The following SIPA1L3 variants were observed in gnomAD, a reference collection of about 807,000 sequenced individuals.
The protein encoded by SIPA1L3 is signal induced proliferation associated 1 like 3.
SIPA1L3 carries 59 observed loss-of-function variants against 150.1 expected under a neutral mutation model. That is an observed-to-expected ratio of 0.39 (90% confidence interval 0.32 to 0.49). The LOEUF (loss-of-function observed/expected upper bound fraction) is 0.49. Ranked by LOEUF, SIPA1L3 falls within the 20% of genes least tolerant of loss-of-function variation. The pLI is 0.86. For synonymous variants in SIPA1L3, 1,070 were observed against 1,077.6 expected (o/e 0.99, Z 0.14); for missense variants, 2,211 against 2,489.5 (o/e 0.89, Z 2.38).
chr19:37,989,180 C>T (rs1267801139), intron 1 of SIPA1L3, among the ~76,000 whole-genome samples: 9 of 152,180 alleles, frequency 5.9e-5, no homozygotes, highest in East Asian at 1.9e-4. Flanking sequence ...CATCCTCCCA[C>T]GGAACCTTCC....
rs117811179 is a variant in SIPA1L3, at chr19:37,930,882, A to G, written c.-379+23524A>G. Among the ~76,000 whole-genome samples, 1,036 of 141,612 alleles carry G rather than the reference A, an allele frequency of 7.3e-3. 31 individuals carry two copies. The East Asian group carries it at 0.076, about 10-fold the overall frequency. 92.9% of individuals were successfully genotyped at this position (141,612 alleles called of 152,430 possible). A position where few individuals can be genotyped will look rare whatever the true frequency, so the allele number is the denominator to read the frequency against. ...CCAAAGCAGCACTCATACAATATGTATCAGCTAATCTTTGAATATTCTGTG... is the reference window on the plus strand; with the variant it reads ...CCAAAGCAGCACTCATACAATATGTGTCAGCTAATCTTTGAATATTCTGTG... On this transcript the variant is annotated intron_variant, in intron 1 of 21. Transcript: ENST00000222345.
intron 1 of SIPA1L3, among the ~76,000 whole-genome samples, chr19:37,937,683 A>G (rs1248820634): frequency 7.0e-6 from 1 of 143,452 alleles, no homozygotes; most frequent in African/African-American, 2.6e-5. Context: ...TTGAGGCTGC[A>G]GTGAGCCTGG....
chr19:38,082,721 G>C lies in SIPA1L3; in HGVS notation c.1156G>C (p.Ala386Pro). Residue 386 changes from alanine to proline, a missense_variant, in exon 3 of 22, where the codon GCC (alanine) becomes CCC (proline). Transcript: ENST00000222345. ...CGCCTCGGCCATGGCCTCCCTCACG[G>C]CCTCGCGGGCCCACAGCCTCGGAGG... is the stretch of plus-strand genomic sequence containing the variant. ...SAASAMASLT[A>P]SRAHSLGGLD... 1 of 1,611,828 alleles carries C rather than the reference G, an allele frequency of 6.2e-7. No homozygotes were observed. Among genetic ancestry groups the C allele is most frequent in the South Asian group, 1.1e-5 (1 of 91,068 alleles).
intron 15 of SIPA1L3, among the ~76,000 whole-genome samples, chr19:38,166,651 G>A (rs1972218061): frequency 6.6e-6 from 1 of 152,018 alleles, no homozygotes; most frequent in Non-Finnish European, 1.5e-5. Context: ...TGTGACCCCA[G>A]CAGGGCTTGC....
intron 2 of SIPA1L3, among the ~76,000 whole-genome samples, chr19:38,069,738 T>C (rs961280416): frequency 3.3e-5 from 5 of 151,502 alleles, no homozygotes; most frequent in East Asian, 1.9e-4. Context: ...GATCTCGGCT[T>C]ACTGCAACCT....
At position 38,101,236 on chromosome 19, in the gene SIPA1L3, G is replaced by T; in HGVS notation, c.2029+10G>T. On this transcript the variant is annotated intron_variant, in intron 6 of 21. Coordinates refer to ENST00000222345, the MANE Select transcript of SIPA1L3 (RefSeq NM_015073.3). ...CAGCTGGACGTCAAGAGTAAGTAGGGGGCCGGTTAGATCACAGTGAGCCAC... is the reference window on the plus strand; with the variant it reads ...CAGCTGGACGTCAAGAGTAAGTAGGTGGCCGGTTAGATCACAGTGAGCCAC... 1 of 1,519,568 alleles carries T rather than the reference G, an allele frequency of 6.6e-7. No individual in the cohort carries two copies. Among genetic ancestry groups the T allele is most frequent in the South Asian group, 1.3e-5 (1 of 79,346 alleles). 94.1% of individuals were successfully genotyped at this position (1,519,568 alleles called of 1,614,324 possible).
intron 1 of SIPA1L3, among the ~76,000 whole-genome samples, chr19:37,954,445 G>T (rs933775435): frequency 5.3e-5 from 8 of 152,110 alleles, no homozygotes; most frequent in African/African-American, 1.9e-4. Flanking sequence ...ACACCTCTCG[G>T]TCGTGCTCCT....
At chr19:37,926,544 A>G (rs1159089646) in intron 1 of SIPA1L3, among the ~76,000 whole-genome samples, 2 of 152,174 alleles carry the variant, frequency 1.3e-5, no homozygotes, top group East Asian at 3.8e-4. Flanking sequence ...AGTAGCTGGC[A>G]GAGCACCCAG....
chr19:38,161,498 G>A (rs1480887191), intron 13 of SIPA1L3, among the ~76,000 whole-genome samples: 1 of 151,982 alleles, frequency 6.6e-6, no homozygotes, highest in African/African-American at 2.4e-5. Flanking sequence ...GCCGAGGCAG[G>A]TGGATCACGA....
At chr19:38,092,695 G>A (rs547474931) in intron 4 of SIPA1L3, among the ~76,000 whole-genome samples, 2 of 152,138 alleles carry the variant, frequency 1.3e-5, no homozygotes, top group African/African-American at 2.4e-5. Flanking sequence ...GGAGGGTACC[G>A]TAGCAAACAA....
chr19:38,039,659 A>C (rs909357899), intron 2 of SIPA1L3, among the ~76,000 whole-genome samples: 5 of 138,560 alleles, frequency 3.6e-5, no homozygotes, highest in African/African-American at 1.4e-4. Flanking sequence ...GCACCACTCT[A>C]CTCCAGCCTG....
At chr19:37,954,742 G>T (rs898725119) in intron 1 of SIPA1L3, among the ~76,000 whole-genome samples, 2 of 152,128 alleles carry the variant, frequency 1.3e-5, no homozygotes, top group African/African-American at 4.8e-5. Context: ...CACCACCACC[G>T]CCTGTATGTG....
At chr19:38,147,235 A>G (rs1298415056) in intron 12 of SIPA1L3, among the ~76,000 whole-genome samples, 3 of 151,648 alleles carry the variant, frequency 2.0e-5, no homozygotes, top group African/African-American at 7.3e-5. Context: ...TAATTTTTGT[A>G]TTTTTAGTAG....
At chr19:38,155,368 A>AC (rs1568580514) in intron 13 of SIPA1L3, among the ~76,000 whole-genome samples, 1 of 152,126 alleles carries the variant, frequency 6.6e-6, no homozygotes, top group African/African-American at 2.4e-5. Context: ...GAGCCACCGC[A>AC]CCCGGCTGGC....
chr19:37,937,000 C>G (rs763026985), intron 1 of SIPA1L3, among the ~76,000 whole-genome samples: 6 of 152,134 alleles, frequency 3.9e-5, no homozygotes, highest in Non-Finnish European at 5.9e-5. Flanking sequence ...CACTGTGACA[C>G]TTAGGCTGGA....
At chr19:38,052,838 C>G (rs982142854) in intron 2 of SIPA1L3, among the ~76,000 whole-genome samples, 1 of 152,202 alleles carries the variant, frequency 6.6e-6, no homozygotes, top group African/African-American at 2.4e-5. Context: ...CCAAGCTTCC[C>G]CCTCCCACAC....
chr19:37,910,008 T>A (rs1360659093), intron 1 of SIPA1L3, among the ~76,000 whole-genome samples: 2 of 151,142 alleles, frequency 1.3e-5, no homozygotes, highest in Non-Finnish European at 2.9e-5. Flanking sequence ...CGTGGCTTTT[T>A]AGCAGTCAGT....
chr19:37,957,876 T>A (rs2046825002), intron 1 of SIPA1L3, among the ~76,000 whole-genome samples: 1 of 131,286 alleles, frequency 7.6e-6, no homozygotes, highest in Non-Finnish European at 1.5e-5. Flanking sequence ...CATGCCTGGC[T>A]AATTTTTTTT....
rs1013210810 is a variant in SIPA1L3 at position 38,193,625 on chromosome 19, G to T, written c.4685G>T (p.Gly1562Val). The T allele has an allele frequency of 6.3e-7, 1 of 1,576,356 alleles. No individual in the cohort carries two copies. Among genetic ancestry groups the T allele is most frequent in the Admixed American group, 1.7e-5 (1 of 57,210 alleles). The change falls in exon 18 of 22, where the codon GGC becomes GTC. Residue 1562 changes from glycine to valine, a missense_variant. Physicochemically the swap from Gly to Val is moderately radical, Grantham distance 109. Around this residue, in one of 5 missense-constraint regions of SIPA1L3, gnomAD observed 806 missense variants for 870.1 expected, o/e 0.93. Transcript: ENST00000222345. ...RREPSFASPA[G>V]LEPGLPSDVL... Reference sequence around the variant, plus strand: ...GAGCCCAGCTTCGCCAGCCCCGCTGGCCTAGAGCCAGGGCTGCCCAGCGAC... The same window carrying T: ...GAGCCCAGCTTCGCCAGCCCCGCTGTCCTAGAGCCAGGGCTGCCCAGCGAC...
Sources: allele counts gnomAD v4.1 joint callset (sites outside exome capture counted in the v4.1 genomes callset), GRCh38; gene constraint gnomAD v4.1.1; regional missense constraint gnomAD v4.1.1; transcripts MANE v1.5; gene names NCBI Gene and HGNC (gene_info 2026-07-23, HGNC 2026-07-21).